Variants in ADAP1 observed in about 807,000 individuals in gnomAD.
ADAP1 encodes ArfGAP with dual PH domains 1.
A neutral mutation model predicts 54.9 loss-of-function variants in ADAP1; 31 were observed. That is an observed-to-expected ratio of 0.56 (90% CI 0.42 to 0.76). ADAP1 has a LOEUF of 0.76. ADAP1 is among the 30% of genes least tolerant of loss of function. ADAP1 has a pLI of 0.00. For synonymous variants in ADAP1, 313 were observed against 202.6 expected (o/e 1.55, Z -4.63); for missense variants, 535 against 512.4 (o/e 1.04, Z -0.42).
At chr7:900,306 T>A in intron 7 of ADAP1, 142 bp from the exon 8 acceptor site, 1 of 1,080,870 alleles carries the variant, frequency 9.3e-7, no homozygotes, top group Non-Finnish European at 1.4e-6. Context: ...AGGATCCACA[T>A]TTCTGCCTCT....
chr7:931,575 G>A (rs1297935120), intron 2 of ADAP1, among the ~76,000 whole-genome samples: 1 of 152,100 alleles, frequency 6.6e-6, no homozygotes, highest in Non-Finnish European at 1.5e-5. Flanking sequence ...CTGGGCGGGG[G>A]TAAGAGCCAA....
intron 6 of ADAP1, chr7:900,930 G>T: frequency 5.3e-6 from 3 of 566,138 alleles, no homozygotes; most frequent in Non-Finnish European, 6.9e-6. Context: ...TGCCATCCAA[G>T]CTCACTCTGT....
intron 4 of ADAP1, among the ~76,000 whole-genome samples, chr7:913,998 G>A (rs1414441154): frequency 6.6e-6 from 1 of 152,226 alleles, no homozygotes; most frequent in Non-Finnish European, 1.5e-5. Context: ...CCTAACAGAG[G>A]GATGGAGTGG....
chr7:934,249 A>G (rs71538120), intron 2 of ADAP1, among the ~76,000 whole-genome samples: 1,427 of 46,074 alleles, frequency 0.031, 33 homozygotes, highest in South Asian at 0.066. Context: ...AGAGCCGGGG[A>G]CCGGGGTCAG....
chr7:903,551 G>A (rs1181268429), intron 6 of ADAP1, among the ~76,000 whole-genome samples: 1 of 152,188 alleles, frequency 6.6e-6, no homozygotes, highest in Non-Finnish European at 1.5e-5. Context: ...CAAAGAGGCT[G>A]GGCCCACCGC....
intron 1 of ADAP1, among the ~76,000 whole-genome samples, chr7:950,267 CA>C (rs1307742033): frequency 1.3e-5 from 2 of 152,154 alleles, no homozygotes; most frequent in Non-Finnish European, 2.9e-5. Flanking sequence ...AGGCGGATCA[CA>C]AGGTCAGGAG....
chr7:898,622 G>C lies in ADAP1; in HGVS notation c.*299C>G, dbSNP rs751194930. On this transcript the variant is annotated 3_prime_UTR_variant, in exon 11 of 11. Transcript: ENST00000265846. The stretch of plus-strand genomic sequence containing the variant: ...GCTCCTGGGGGCTGTGTCTGAGCTC[G>C]GGAGCCAGACTGGGCCCTGGAGGAA... 1.7e-5 allele frequency: 8 copies of C among 478,106 alleles called. No individual in the cohort carries two copies. In the East Asian group the frequency reaches 2.0e-4, roughly 12 times the overall value. 29.6% of individuals were successfully genotyped at this position (478,106 alleles called of 1,614,324 possible).
At chr7:911,147 G>A (rs1845706123) in intron 4 of ADAP1, among the ~76,000 whole-genome samples, 1 of 152,186 alleles carries the variant, frequency 6.6e-6, no homozygotes, top group Non-Finnish European at 1.5e-5. Flanking sequence ...GCCCTGCGTG[G>A]AGCTCTCTCT....
At chr7:906,709 C>CACGGG (rs1554272421) in intron 4 of ADAP1, among the ~76,000 whole-genome samples, 1 of 41,690 alleles carries the variant, frequency 2.4e-5, no homozygotes, top group Admixed American at 2.2e-4. Context: ...ACATGGGGGA[C>CACGGG]GGGACATCGG....
intron 8 of ADAP1, among the ~76,000 whole-genome samples, chr7:899,723 A>G (rs1454783120): frequency 6.6e-6 from 1 of 151,944 alleles, no homozygotes; most frequent in East Asian, 2.0e-4. Context: ...CCTGGGCCCC[A>G]GATGGGGGCC....
intron 6 of ADAP1, among the ~76,000 whole-genome samples, chr7:901,768 G>A (rs577970033): frequency 0.015 from 217 of 14,956 alleles, 1 homozygote; most frequent in Middle Eastern, 0.04. Flanking sequence ...TCCTTCCCCC[G>A]CCCACCCTTT....
At chr7:922,373 G>T (rs930361983) in intron 3 of ADAP1, among the ~76,000 whole-genome samples, 2 of 152,188 alleles carry the variant, frequency 1.3e-5, no homozygotes, top group Non-Finnish European at 2.9e-5. Flanking sequence ...ATGTGAGCTG[G>T]GGGCAGGGGG....
chr7:900,334 T>C lies in ADAP1; in HGVS notation c.733-170A>G, dbSNP rs57965920. On this transcript the variant is annotated intron_variant, in intron 7 of 10. Coordinates refer to ENST00000265846, the MANE Select transcript of ADAP1 (RefSeq NM_006869.4). Reference sequence around the variant, plus strand: ...CTGCCTCTGCTTGCCACCCCTTCCCTCCCCGCTTTCCCCTTTGGCTGAGCT... The same window carrying C: ...CTGCCTCTGCTTGCCACCCCTTCCCCCCCCGCTTTCCCCTTTGGCTGAGCT... Among the ~76,000 whole-genome samples the C allele has an allele frequency of 8.5e-3, 1,298 of 151,888 alleles. 21 individuals are homozygous for C. Among genetic ancestry groups the C allele is most frequent in the African/African-American group, 0.029 (1,209 of 41,368 alleles).
At chr7:935,959 G>T (rs1846748380) in intron 1 of ADAP1, among the ~76,000 whole-genome samples, 1 of 152,206 alleles carries the variant, frequency 6.6e-6, no homozygotes, top group Non-Finnish European at 1.5e-5. Context: ...AGTGCAGGGG[G>T]TGCCTCACAC....
Position 938,442 on chromosome 7 carries a change from A to G in ADAP1, c.83-2937T>C, listed in dbSNP as rs532034368. On this transcript the variant is annotated intron_variant, in intron 1 of 10. Transcript: ENST00000265846. This position sits in a 1 kb window ranked among gnomAD's most constrained non-coding sequence, Gnocchi z 4.4. ...AGCGATCCTCCTGTCTTGGCCTCCT[A>G]AAGTGTTGGGATTACAGATGTGTGA... Among the ~76,000 whole-genome samples the G allele has an allele frequency of 1.8e-3, 275 of 152,202 alleles. 2 individuals carry two copies. Among genetic ancestry groups the G allele is most frequent in the African/African-American group, 6.3e-3 (263 of 41,528 alleles).
chr7:901,359 G>A, intron 6 of ADAP1: 1 of 230,802 alleles, frequency 4.3e-6, no homozygotes, highest in South Asian at 5.1e-5. Context: ...ACAGCCTGGA[G>A]CTGGTGACCT....
At chr7:912,344 C>T (rs1379536083) in intron 4 of ADAP1, among the ~76,000 whole-genome samples, 1 of 152,202 alleles carries the variant, frequency 6.6e-6, no homozygotes, top group Non-Finnish European at 1.5e-5. Flanking sequence ...GCGGGGCCAG[C>T]CCGCGGTGGG....
In ADAP1 at chr7:906,691, G is replaced by GC. The variant is rs1845418673; in HGVS notation, c.389-1520_389-1519insG. Among the ~76,000 whole-genome samples, 2 of 39,340 alleles carry GC rather than the reference G, an allele frequency of 5.1e-5. 1 individual carries two copies. Among genetic ancestry groups the GC allele is most frequent in the Admixed American group, 5.1e-4 (2 of 3,942 alleles). 25.8% of individuals were successfully genotyped at this position (39,340 alleles called of 152,430 possible). On this transcript the variant is annotated intron_variant, in intron 4 of 10. Coordinates refer to ENST00000265846, the MANE Select transcript of ADAP1 (RefSeq NM_006869.4). ...AGGGGACATGGACAGGGGACACGGGGGACATGGACATGGGGGACGGGACAT... is the reference window on the plus strand; with the variant it reads ...AGGGGACATGGACAGGGGACACGGGGCGACATGGACATGGGGGACGGGACAT...
Position 920,118 on chromosome 7 carries a change from G to A in ADAP1, c.306-68C>T. Reference sequence around the variant, plus strand: ...TCCGACCCAGCACACGCCGCTCTCTGGCCCGGACCCTGGACATCTCAAGAG... The same window carrying A: ...TCCGACCCAGCACACGCCGCTCTCTAGCCCGGACCCTGGACATCTCAAGAG... On this transcript the variant is annotated intron_variant, in intron 3 of 10. Coordinates refer to ENST00000265846, the MANE Select transcript of ADAP1 (RefSeq NM_006869.4). This position sits in a 1 kb window ranked among gnomAD's most constrained non-coding sequence, Gnocchi z 4.5. The A allele has an allele frequency of 1.4e-6, 2 of 1,460,540 alleles. No homozygotes were observed. The highest frequency in any genetic ancestry group is 1.4e-5 in the African/African-American group (1 of 72,038). The allele number at this position is 1,460,540 out of a possible 1,614,324, so 90.5% of individuals were successfully genotyped here.
Sources: gnomAD v4.1 joint callset for allele counts (sites outside exome capture counted in the v4.1 genomes callset) on GRCh38, gnomAD v4.1.1 for gene constraint, Gnocchi (gnomAD v3.1) non-coding constraint, MANE v1.5 for transcripts, NCBI Gene and HGNC (gene_info 2026-07-23, HGNC 2026-07-21) for gene names.